SULT1C3: variants seen among roughly 807,000 people sequenced by gnomAD.
SULT1C3 encodes the protein sulfotransferase family 1C member 3.
A neutral mutation model predicts 28.4 loss-of-function variants in SULT1C3; 31 were observed. That is an observed-to-expected ratio of 1.09 (90% CI 0.82 to 1.47). The LOEUF (loss-of-function observed/expected upper bound fraction) is 1.47. Among genes scored for constraint, SULT1C3 ranks in the 40% most tolerant of loss-of-function variants. SULT1C3 has a pLI of 0.00. For missense variants in SULT1C3, 307 were observed against 272.5 expected (o/e 1.13, Z -0.89); for synonymous variants, 106 against 92.2 (o/e 1.15, Z -0.86).
intron 5 of SULT1C3, among the ~76,000 whole-genome samples, chr2:108,256,092 C>G (rs1248351382): frequency 6.6e-6 from 1 of 152,028 alleles, no homozygotes; most frequent in East Asian, 1.9e-4. Context: ...AAGTCATACA[C>G]TGCACAGCCA....
intron 1 of SULT1C3, among the ~76,000 whole-genome samples, chr2:108,241,111 T>C (rs906331010): frequency 1.3e-5 from 2 of 152,196 alleles, no homozygotes; most frequent in African/African-American, 4.8e-5. Flanking sequence ...TGACCAGAGG[T>C]TAGGAACCCT....
At chr2:108,252,628 A>G (rs753709623) in intron 3 of SULT1C3, 135 bp downstream of exon 3, 3 of 1,041,938 alleles carry the variant, frequency 2.9e-6, no homozygotes, top group Non-Finnish European at 4.0e-6. Context: ...TCTCAGGCCA[A>G]CAATCAAACT....
At chr2:108,243,898 T>C (rs1675524579) in intron 1 of SULT1C3, among the ~76,000 whole-genome samples, 1 of 152,208 alleles carries the variant, frequency 6.6e-6, no homozygotes, top group Non-Finnish European at 1.5e-5. Context: ...ACAGCCACCA[T>C]TGTAAAAAGG....
intron 1 of SULT1C3, among the ~76,000 whole-genome samples, chr2:108,244,291 C>G (rs1027226030): frequency 1.3e-5 from 2 of 152,152 alleles, no homozygotes; most frequent in African/African-American, 4.8e-5. Context: ...GTTCCCTTCC[C>G]CCTAGCTCAA....
At chr2:108,253,783 T>C (rs1675794270) in intron 4 of SULT1C3, among the ~76,000 whole-genome samples, 3 of 152,036 alleles carry the variant, frequency 2.0e-5, no homozygotes, top group Admixed American at 2.0e-4. Flanking sequence ...TCTGCCAAAG[T>C]ACTAGAAGAT....
Position 108,246,895 on chromosome 2 carries a change from T to C in SULT1C3, c.-7-293T>C, listed in dbSNP as rs375295286. Among the ~76,000 whole-genome samples, 44 of 152,314 alleles carry C rather than the reference T, an allele frequency of 2.9e-4. 3 individuals carry two copies. In the South Asian group the frequency reaches 8.9e-3, roughly 31 times the overall value. ...TGCAGCAGGAAAAAGACTATTTGGGTATAAATCTCAGCCCCAACAGGTATT... is the reference window on the plus strand; with the variant it reads ...TGCAGCAGGAAAAAGACTATTTGGGCATAAATCTCAGCCCCAACAGGTATT... On this transcript the variant is annotated intron_variant, in intron 1 of 7. Transcript: ENST00000681802.
Position 108,254,982 on chromosome 2 carries a change from A to G in SULT1C3, c.400-590A>G, listed in dbSNP as rs368081482. 3.9e-5 allele frequency among the ~76,000 whole-genome samples: 6 copies of G among 152,072 alleles called. No individual in the cohort carries two copies. The East Asian group carries it at 9.7e-4, about 25-fold the overall frequency. On this transcript the variant is annotated intron_variant, in intron 4 of 7. Transcript: ENST00000681802. ...GTGACCAGGCATGACCCACTCGTGTACTAAGCATGGATTAGTGGTAGTGCC... is the reference window on the plus strand; with the variant it reads ...GTGACCAGGCATGACCCACTCGTGTGCTAAGCATGGATTAGTGGTAGTGCC...
Position 108,259,121 on chromosome 2 carries a change from C to T in SULT1C3, c.777C>T (p.His259=), listed in dbSNP as rs1675952539. 4.4e-6 allele frequency: 2 copies of T among 454,300 alleles called. No homozygotes were observed. Among genetic ancestry groups the T allele is most frequent in the Non-Finnish European group, 8.1e-6 (2 of 246,812 alleles). 28.1% of individuals were successfully genotyped at this position (454,300 alleles called of 1,614,324 possible). ...HTAVPAHIFN[H]SISKFMRKGM... is the part of the protein sequence containing the mutation. Reference sequence around the variant, plus strand: ...CGGTACCTGCTCACATATTCAATCACTCCATCTCAAAATTTATGAGGAAAG... The same window carrying T: ...CGGTACCTGCTCACATATTCAATCATTCCATCTCAAAATTTATGAGGAAAG... The change falls in exon 7 of 8, where the codon CAC becomes CAT. Residue 259 remains histidine, a synonymous_variant. Coordinates refer to ENST00000681802, the MANE Select transcript of SULT1C3 (RefSeq NM_001320878.2).
intron 2 of SULT1C3, among the ~76,000 whole-genome samples, chr2:108,247,870 A>G (rs989778187): frequency 2.6e-5 from 4 of 152,184 alleles, no homozygotes; most frequent in African/African-American, 7.2e-5. Flanking sequence ...AAAATGCCTT[A>G]GATTTCTAAT....
At chr2:108,251,769 A>G (rs1489597354) in intron 2 of SULT1C3, among the ~76,000 whole-genome samples, 5 of 152,088 alleles carry the variant, frequency 3.3e-5, no homozygotes, top group Admixed American at 2.0e-4. Context: ...AAGCTGAGAC[A>G]AAAAGGATAG....
At chr2:108,241,926 C>CA (rs201006604) in intron 1 of SULT1C3, among the ~76,000 whole-genome samples, 15,677 of 100,760 alleles carry the variant, frequency 0.16, 1,636 homozygotes, top group African/African-American at 0.32. Context: ...GACTCCATCT[C>CA]AAAAAAAAAA....
At chr2:108,245,904 C>G (rs942258019) in intron 1 of SULT1C3, among the ~76,000 whole-genome samples, 2 of 152,180 alleles carry the variant, frequency 1.3e-5, no homozygotes, top group Non-Finnish European at 2.9e-5. Flanking sequence ...TCTTATAAAA[C>G]TGAATGCCTT....
chr2:108,258,833 G>A lies in SULT1C3; in HGVS notation c.621+5G>A, dbSNP rs1364311227. The A allele has an allele frequency of 2.5e-6, 4 of 1,607,538 alleles. No homozygotes were observed. The highest frequency in any genetic ancestry group is 2.2e-5 in the East Asian group (1 of 44,674). On this transcript the variant is annotated splice_donor_5th_base_variant and intron_variant, in intron 6 of 7. Transcript: ENST00000681802. The stretch of plus-strand genomic sequence containing the variant: ...TTCTACGAGGATATTAAAAAAGTAA[G>A]TGGCACTGAGACTTATAGGTCAGAC...
At chr2:108,244,713 C>T (rs1675538683) in intron 1 of SULT1C3, among the ~76,000 whole-genome samples, 1 of 152,136 alleles carries the variant, frequency 6.6e-6, no homozygotes, top group African/African-American at 2.4e-5. Context: ...TCTGCCTTTA[C>T]TTGTCTAAAG....
At chr2:108,244,577 A>G (rs1451450812) in intron 1 of SULT1C3, among the ~76,000 whole-genome samples, 1 of 152,142 alleles carries the variant, frequency 6.6e-6, no homozygotes, top group African/African-American at 2.4e-5. Flanking sequence ...AGAGCTGCCT[A>G]TTTTAGCTAC....
In SULT1C3 at chr2:108,247,384, T is replaced by C. The variant is rs774593509; in HGVS notation, c.172+18T>C. 8 of 1,511,764 alleles carry C rather than the reference T, an allele frequency of 5.3e-6. No homozygotes were observed. Among genetic ancestry groups the C allele is most frequent in the East Asian group, 4.7e-5 (2 of 42,380 alleles). 93.6% of individuals were successfully genotyped at this position (1,511,764 alleles called of 1,614,324 possible). A position where few individuals can be genotyped will look rare whatever the true frequency, so the allele number is the denominator to read the frequency against. ...AAAGTCAGGTAAGGGTAGCAAAACA[T>C]AAAAATATTCAATATTTTCACGTGA... On this transcript the variant is annotated intron_variant, in intron 2 of 7. Transcript: ENST00000681802.
chr2:108,248,169 A>G (rs372410690), intron 2 of SULT1C3, among the ~76,000 whole-genome samples: 2 of 152,196 alleles, frequency 1.3e-5, no homozygotes, highest in African/African-American at 4.8e-5. Flanking sequence ...GTAGAAGGAT[A>G]CAAGAACCAA....
intron 3 of SULT1C3, 67 bp from the exon 4 acceptor site, chr2:108,253,278 A>C: frequency 9.8e-7 from 1 of 1,022,530 alleles, no homozygotes. Flanking sequence ...ACAAAGATAT[A>C]AATGGAATTC....
intron 3 of SULT1C3, 105 bp downstream of exon 3, chr2:108,252,598 C>T (rs1225362865): frequency 7.4e-7 from 1 of 1,342,740 alleles, no homozygotes; most frequent in Non-Finnish European, 1.0e-6. Flanking sequence ...TAGCCTGTAT[C>T]TTTCATGAGG....
Sources: gnomAD v4.1 joint callset for allele counts (sites outside exome capture counted in the v4.1 genomes callset) on GRCh38, gnomAD v4.1.1 for gene constraint, MANE v1.5 for transcripts, NCBI Gene and HGNC (gene_info 2026-07-23, HGNC 2026-07-21) for gene names.